HDLBP: variants seen among roughly 807,000 people sequenced by gnomAD.
The protein encoded by HDLBP is vigilin.
In HDLBP, 30 loss-of-function variants were observed where a neutral mutation model predicts 137.3. That is an observed-to-expected ratio of 0.22 (90% CI 0.16 to 0.30). The LOEUF is 0.30. Among genes scored for constraint, HDLBP ranks in the 10% least tolerant of loss-of-function variants. The pLI, the probability that HDLBP is intolerant of heterozygous loss-of-function variation, is 1.00. For missense variants in HDLBP, 1,119 were observed against 1,667.3 expected (o/e 0.67, Z 5.73); for synonymous variants, 606 against 596.0 (o/e 1.02, Z -0.24).
At chr2:241,283,743 G>A (rs1313059028) in intron 1 of HDLBP, among the ~76,000 whole-genome samples, 1 of 152,132 alleles carries the variant, frequency 6.6e-6, no homozygotes, top group Non-Finnish European at 1.5e-5. Context: ...CGAAGTGCTG[G>A]GATTACAGGC....
chr2:241,273,765 G>A lies in HDLBP; in HGVS notation c.-102-5224C>T, dbSNP rs562081518. On this transcript the variant is annotated intron_variant, in intron 1 of 27. Transcript: ENST00000310931. The stretch of plus-strand genomic sequence containing the variant: ...TTACCCAGGGAATGGGGTCAGGTCC[G>A]CACAGCCTGCAGCCAGGCCACGGGT... 113 of 655,308 alleles carry A rather than the reference G, an allele frequency of 1.7e-4. 1 individual carries two copies. The African/African-American group carries it at 2.0e-3, about 12-fold the overall frequency. The allele number at this position is 655,308 out of a possible 1,614,324, so 40.6% of individuals were successfully genotyped here.
At chr2:241,289,340 A>C (rs986692791) in intron 1 of HDLBP, among the ~76,000 whole-genome samples, 4 of 152,034 alleles carry the variant, frequency 2.6e-5, no homozygotes, top group African/African-American at 9.7e-5. Flanking sequence ...CTATCAGTCT[A>C]CTCTTCAGAG....
At chr2:241,289,255 C>G (rs988394108) in intron 1 of HDLBP, among the ~76,000 whole-genome samples, 8 of 152,192 alleles carry the variant, frequency 5.3e-5, no homozygotes, top group African/African-American at 1.7e-4. Flanking sequence ...GGCACATCAC[C>G]CTCTTCACTT....
intron 21 of HDLBP, 191 bp downstream of exon 21, chr2:241,236,424 G>A (rs1468910208): frequency 1.6e-6 from 1 of 618,526 alleles, no homozygotes; most frequent in Non-Finnish European, 2.8e-6. Flanking sequence ...CCTTGGTGAA[G>A]GGAAGTGGCC....
At chr2:241,231,686 G>A (rs963991867) in intron 24 of HDLBP, among the ~76,000 whole-genome samples, 3 of 152,146 alleles carry the variant, frequency 2.0e-5, no homozygotes, top group African/African-American at 7.2e-5. Context: ...CCCTCACTCA[G>A]AGATCCCACC....
chr2:241,272,609 C>G lies in HDLBP; in HGVS notation c.-102-4068G>C, dbSNP rs867318627. On this transcript the variant is annotated intron_variant, in intron 1 of 27. Transcript: ENST00000310931. The surrounding 1 kb of genome is among the most constrained non-coding windows in gnomAD (Gnocchi z 5.6). ...GCAGGACACCCGCGGGCGGGGGCCG[C>G]AGCCTGGGGCCCGGGTGGGGGCCGC... is the stretch of plus-strand genomic sequence containing the variant. The G allele has an allele frequency of 2.0e-6, 2 of 982,180 alleles. No individual in the cohort carries two copies. Among genetic ancestry groups the G allele is most frequent in the South Asian group, 9.5e-5 (2 of 21,162 alleles). 60.8% of individuals were successfully genotyped at this position (982,180 alleles called of 1,614,324 possible).
chr2:241,284,628 A>G lies in HDLBP; in HGVS notation c.-102-16087T>C, dbSNP rs552629149. ...TGAGAGGATTGAGTCCAATTCTGAAAGTAGTTCTATTGTGGGAAAATGCAA... is the reference window on the plus strand; with the variant it reads ...TGAGAGGATTGAGTCCAATTCTGAAGGTAGTTCTATTGTGGGAAAATGCAA... On this transcript the variant is annotated intron_variant, in intron 1 of 27. Coordinates refer to ENST00000310931, the MANE Select transcript of HDLBP (RefSeq NM_005336.6). 5.6e-4 allele frequency among the ~76,000 whole-genome samples: 86 copies of G among 152,372 alleles called. 1 individual carries two copies. Among genetic ancestry groups the G allele is most frequent in the African/African-American group, 2.0e-3 (82 of 41,590 alleles).
At chr2:241,274,445 G>A (rs1345329599) in intron 1 of HDLBP, among the ~76,000 whole-genome samples, 4 of 152,240 alleles carry the variant, frequency 2.6e-5, no homozygotes, top group Admixed American at 6.5e-5. Flanking sequence ...TAACCTTTCC[G>A]TGGGGATTAA....
chr2:241,308,557 G>A (rs1421113330), intron 1 of HDLBP, among the ~76,000 whole-genome samples: 2 of 152,190 alleles, frequency 1.3e-5, no homozygotes, highest in Non-Finnish European at 1.5e-5. Flanking sequence ...TGCTTTAAGA[G>A]AAGGGCTCCC....
chr2:241,234,040 T>C, intron 23 of HDLBP, 77 bp from the exon 24 acceptor site: 1 of 1,534,374 alleles, frequency 6.5e-7, no homozygotes, highest in Non-Finnish European at 9.0e-7. Flanking sequence ...TCCACCCTGG[T>C]CATAGGACAC....
chr2:241,290,722 T>C (rs1444859041), intron 1 of HDLBP, among the ~76,000 whole-genome samples: 1 of 152,206 alleles, frequency 6.6e-6, no homozygotes, highest in Non-Finnish European at 1.5e-5. Context: ...CACTGAGCTA[T>C]ATACATTAAA....
intron 1 of HDLBP, among the ~76,000 whole-genome samples, chr2:241,301,770 TG>T (rs201347917): frequency 6.6e-6 from 1 of 151,888 alleles, no homozygotes; most frequent in African/African-American, 2.4e-5. Context: ...CCTTTCGTTT[TG>T]TTTTTTTTTT....
chr2:241,305,236 G>A (rs1157243480), intron 1 of HDLBP, among the ~76,000 whole-genome samples: 1 of 152,164 alleles, frequency 6.6e-6, no homozygotes, highest in Non-Finnish European at 1.5e-5. Flanking sequence ...TTATCTTCCT[G>A]TCTCAGCCTG....
intron 5 of HDLBP, among the ~76,000 whole-genome samples, chr2:241,262,463 A>C (rs1021600128): frequency 1.5e-4 from 23 of 152,070 alleles, no homozygotes; most frequent in African/African-American, 5.5e-4. Context: ...TCTTAAAAAA[A>C]AAATTATTAT....
intron 1 of HDLBP, among the ~76,000 whole-genome samples, chr2:241,307,486 GATT>G (rs1350497930): frequency 6.6e-6 from 1 of 152,184 alleles, no homozygotes; most frequent in East Asian, 1.9e-4. Context: ...AGTATTAATA[GATT>G]AATACTGCAG....
chr2:241,235,875 G>A (rs548474090), intron 21 of HDLBP, among the ~76,000 whole-genome samples: 83 of 152,306 alleles, frequency 5.4e-4, no homozygotes, highest in Non-Finnish European at 1.0e-3. Flanking sequence ...GAGAGGCCCT[G>A]ACTCCTGGCA....
At chr2:241,236,369 C>T (rs562027658) in intron 21 of HDLBP, 22 of 542,054 alleles carry the variant, frequency 4.1e-5, no homozygotes, top group Non-Finnish European at 6.6e-5. Flanking sequence ...CCTGAGAGGC[C>T]GGATCCCATG....
At chr2:241,256,079 A>G in intron 7 of HDLBP, 105 bp downstream of exon 7, 2 of 933,116 alleles carry the variant, frequency 2.1e-6, no homozygotes, top group South Asian at 1.5e-5. Flanking sequence ...ATCTTCATCA[A>G]GGACAAAAAG....
intron 14 of HDLBP, among the ~76,000 whole-genome samples, 153 bp downstream of exon 14, chr2:241,247,850 A>G (rs2071798591): frequency 6.6e-6 from 1 of 152,124 alleles, no homozygotes; most frequent in Non-Finnish European, 1.5e-5. Context: ...AGCCGTCACC[A>G]CTTTGTCCCA....
Sources: gnomAD v4.1 joint callset for allele counts (sites outside exome capture counted in the v4.1 genomes callset) on GRCh38, gnomAD v4.1.1 for gene constraint, Gnocchi (gnomAD v3.1) non-coding constraint, MANE v1.5 for transcripts, NCBI Gene and HGNC (gene_info 2026-07-23, HGNC 2026-07-21) for gene names.